Variants in MSI2 observed in about 807,000 individuals in gnomAD.
The protein encoded by MSI2 is musashi RNA binding protein 2.
Under a neutral mutation model 45.6 loss-of-function variants are expected in MSI2, and 17 were observed. That is an observed-to-expected ratio of 0.37 (90% CI 0.26 to 0.56). The LOEUF is 0.56. MSI2 is among the 20% of genes least tolerant of loss of function. The pLI is 0.77. For missense variants in MSI2, 293 were observed against 444.2 expected (o/e 0.66, Z 3.06); for synonymous variants, 156 against 158.2 (o/e 0.99, Z 0.11).
chr17:57,373,765 G>T (rs1481878044), intron 5 of MSI2, among the ~76,000 whole-genome samples: 2 of 152,220 alleles, frequency 1.3e-5, no homozygotes, highest in East Asian at 3.8e-4. Flanking sequence ...GTCCTGCTGT[G>T]ATCTCCAGCA....
chr17:57,491,906 C>T (rs1170290531), intron 6 of MSI2, among the ~76,000 whole-genome samples: 1 of 152,188 alleles, frequency 6.6e-6, no homozygotes, highest in Non-Finnish European at 1.5e-5. Flanking sequence ...GGAAGATGAG[C>T]ATTACTCTGA....
At chr17:57,631,345 C>T (rs1909355071) in intron 10 of MSI2, 1 of 155,620 alleles carries the variant, frequency 6.4e-6, no homozygotes, top group African/African-American at 2.4e-5. Flanking sequence ...GTCCTCCTTT[C>T]CACCTGGACT....
In MSI2 at chr17:57,683,782, A is replaced by G. The variant is rs531801206; in HGVS notation, c.*4265A>G. 3 of 232,304 alleles carry G rather than the reference A, an allele frequency of 1.3e-5. No individual in the cohort carries two copies. The East Asian group carries it at 1.8e-4, about 14-fold the overall frequency. The allele number at this position is 232,304 out of a possible 1,614,324, so 14.4% of individuals were successfully genotyped here. On this transcript the variant is annotated 3_prime_UTR_variant, in exon 14 of 14. Coordinates refer to ENST00000284073, the MANE Select transcript of MSI2 (RefSeq NM_138962.4). The surrounding 1 kb of genome is among the most constrained non-coding windows in gnomAD (Gnocchi z 5.2). ...GACTGCAGGCAAGCACATTGAAGAA[A>G]GACACTGGCGGGTTTCCCCACCCTC...
intron 7 of MSI2, among the ~76,000 whole-genome samples, chr17:57,589,599 C>T (rs147580659): frequency 6.6e-6 from 1 of 152,192 alleles, no homozygotes; most frequent in Admixed American, 6.5e-5. Flanking sequence ...AACTGGGGCT[C>T]GACTTGTGAC....
chr17:57,632,144 G>A lies in MSI2; in HGVS notation c.727+4841G>A, dbSNP rs577736355. 3.3e-6 allele frequency: 4 copies of A among 1,205,654 alleles called. No homozygotes were observed. In the African/African-American group the frequency reaches 6.2e-5, roughly 19 times the overall value. The allele number at this position is 1,205,654 out of a possible 1,614,324, so 74.7% of individuals were successfully genotyped here. The stretch of plus-strand genomic sequence containing the variant: ...CACAAACTTCGTAGAGCCTCCTCAG[G>A]GGAAGCTAGGAAGAAGACATCAAAT... On this transcript the variant is annotated intron_variant, in intron 10 of 13. Transcript: ENST00000284073.
At chr17:57,607,526 C>T (rs1291340125) in intron 8 of MSI2, among the ~76,000 whole-genome samples, 3 of 152,218 alleles carry the variant, frequency 2.0e-5, no homozygotes, top group Non-Finnish European at 4.4e-5. Context: ...CTTGGCCACA[C>T]GCTGGTCCCT....
intron 10 of MSI2, among the ~76,000 whole-genome samples, chr17:57,640,311 C>T (rs1382384649): frequency 6.6e-6 from 1 of 152,190 alleles, no homozygotes. Flanking sequence ...GAGTTAAGCT[C>T]GCACTTCAGA....
At chr17:57,447,077 G>A (rs1277882705) in intron 6 of MSI2, among the ~76,000 whole-genome samples, 2 of 152,132 alleles carry the variant, frequency 1.3e-5, no homozygotes, top group East Asian at 3.9e-4. Flanking sequence ...TTAGAAAATT[G>A]TTTAAAGTAT....
chr17:57,445,781 C>T (rs1185158104), intron 6 of MSI2, among the ~76,000 whole-genome samples: 4 of 152,066 alleles, frequency 2.6e-5, no homozygotes, highest in African/African-American at 9.7e-5. Context: ...GAGGTGTCTC[C>T]CCGAATTCCA....
At chr17:57,347,655 T>C (rs1284414789) in intron 5 of MSI2, among the ~76,000 whole-genome samples, 1 of 152,202 alleles carries the variant, frequency 6.6e-6, no homozygotes, top group Non-Finnish European at 1.5e-5. Context: ...CTCCCTGGGA[T>C]TTCTACCCCC....
At chr17:57,491,446 C>T (rs895325583) in intron 6 of MSI2, among the ~76,000 whole-genome samples, 1 of 152,244 alleles carries the variant, frequency 6.6e-6, no homozygotes, top group Non-Finnish European at 1.5e-5. Context: ...CCCAGGAGGA[C>T]ACTTGGGGCA....
intron 9 of MSI2, chr17:57,626,559 A>G (rs963539409): frequency 6.6e-6 from 1 of 152,396 alleles, no homozygotes; most frequent in African/African-American, 2.4e-5. Context: ...ACAGGGGTCT[A>G]GAAACAATAC....
Position 57,596,663 on chromosome 17 carries a change from A to G in MSI2, c.455-205A>G, listed in dbSNP as rs922169357. ...GTGCCCGCTGCATGTGGGTGAAATC[A>G]TTAACTTTTCCTCGCTGTCGGAAGG... On this transcript the variant is annotated intron_variant, in intron 7 of 13. Coordinates refer to ENST00000284073, the MANE Select transcript of MSI2 (RefSeq NM_138962.4). The surrounding 1 kb of genome is among the most constrained non-coding windows in gnomAD (Gnocchi z 4.6). 1.3e-5 allele frequency among the ~76,000 whole-genome samples: 2 copies of G among 152,202 alleles called. No homozygotes were observed. Among genetic ancestry groups the G allele is most frequent in the Non-Finnish European group, 2.9e-5 (2 of 68,036 alleles).
intron 5 of MSI2, among the ~76,000 whole-genome samples, chr17:57,312,929 C>T (rs1454057336): frequency 1.3e-5 from 2 of 152,156 alleles, no homozygotes; most frequent in African/African-American, 2.4e-5. Context: ...TCACTGCAGC[C>T]TCAGCCTCCT....
At chr17:57,360,657 A>G (rs941430767) in intron 5 of MSI2, among the ~76,000 whole-genome samples, 1 of 152,272 alleles carries the variant, frequency 6.6e-6, no homozygotes, top group Non-Finnish European at 1.5e-5. Flanking sequence ...TGATTCTTCT[A>G]CAGTTTCTTA....
rs754193875 is a variant in MSI2 at position 57,615,940 on chromosome 17, A to G, written c.538-30A>G. The G allele has an allele frequency of 6.6e-6, 10 of 1,517,976 alleles. No homozygotes were observed. The Admixed American group carries it at 1.0e-4, about 15-fold the overall frequency. The allele number at this position is 1,517,976 out of a possible 1,614,324, so 94.0% of individuals were successfully genotyped here. On this transcript the variant is annotated intron_variant, in intron 8 of 13. Transcript: ENST00000284073. Reference sequence around the variant, plus strand: ...TGACATTTACGTGGAATTCATTTGCATCTCATTTGTTCGCCTTTCTGTTTA... The same window carrying G: ...TGACATTTACGTGGAATTCATTTGCGTCTCATTTGTTCGCCTTTCTGTTTA...
chr17:57,416,481 C>T (rs1312059818), intron 6 of MSI2, among the ~76,000 whole-genome samples: 1 of 152,200 alleles, frequency 6.6e-6, no homozygotes, highest in African/African-American at 2.4e-5. Context: ...CGCTGTAATT[C>T]ACTTGCAAGT....
chr17:57,586,599 A>G (rs1244192146), intron 7 of MSI2, among the ~76,000 whole-genome samples: 2 of 152,224 alleles, frequency 1.3e-5, no homozygotes, highest in African/African-American at 2.4e-5. Flanking sequence ...CAAACTGCCC[A>G]TACCTCTGGG....
At chr17:57,514,391 T>G (rs2086423615) in intron 6 of MSI2, among the ~76,000 whole-genome samples, 1 of 152,186 alleles carries the variant, frequency 6.6e-6, no homozygotes, top group African/African-American at 2.4e-5. Flanking sequence ...ACAGCACAGG[T>G]GTGCTGTGGG....
Sources: allele counts gnomAD v4.1 joint callset (sites outside exome capture counted in the v4.1 genomes callset), GRCh38; gene constraint gnomAD v4.1.1; non-coding constraint Gnocchi (gnomAD v3.1); transcripts MANE v1.5; gene names NCBI Gene and HGNC (gene_info 2026-07-23, HGNC 2026-07-21).